Variants in HCRTR2 observed in about 807,000 individuals in gnomAD.
HCRTR2 encodes the protein hypocretin receptor 2, also known as orexin receptor type 2.
A neutral mutation model predicts 49.0 loss-of-function variants in HCRTR2; 22 were observed. The observed-to-expected ratio is 0.45, with a 90% CI of 0.32 to 0.64. The LOEUF is 0.64. Ranked by LOEUF, HCRTR2 falls within the 30% of genes least tolerant of loss-of-function variation. The pLI, the probability that HCRTR2 is intolerant of heterozygous loss-of-function variation, is 0.04. For missense variants in HCRTR2, 491 were observed against 559.4 expected, an observed-to-expected ratio of 0.88 and a Z score of 1.23; for synonymous variants, 236 against 205.3, an observed-to-expected ratio of 1.15 and a Z score of -1.28.
chr6:55,152,872 CTTTT>C lies in HCRTR2; in HGVS notation c.-377-21338_-377-21335del, dbSNP rs541341085. Among the ~76,000 whole-genome samples, 209 of 151,992 alleles carry C rather than the reference CTTTT, an allele frequency of 1.4e-3. 1 individual carries two copies. Among genetic ancestry groups the C allele is most frequent in the African/African-American group, 4.8e-3 (198 of 41,512 alleles). On this transcript the variant is annotated intron_variant, in intron 1 of 7. Transcript: ENST00000615358. ...ACATTACATAGGTTGACTTTTCATT[CTTTT>C]GTTTTCTTTGTTGCACAAAAAACCC...
At chr6:55,230,757 C>T (rs3122166) in intron 1 of HCRTR2, among the ~76,000 whole-genome samples, 22 of 151,864 alleles carry the variant, frequency 1.4e-4, no homozygotes, top group African/African-American at 4.1e-4. Flanking sequence ...ATATGCTGAA[C>T]GAATGAATTA....
chr6:55,170,865 GA>G (rs1251534944), upstream of HCRTR2, among the ~76,000 whole-genome samples: 2 of 151,640 alleles, frequency 1.3e-5, no homozygotes, highest in East Asian at 3.9e-4. Flanking sequence ...AGTTTGCTGA[GA>G]ATCATGGTTT....
At chr6:55,188,991 ATTAT>A (rs1200767793) in intron 1 of HCRTR2, among the ~76,000 whole-genome samples, 5 of 152,226 alleles carry the variant, frequency 3.3e-5, no homozygotes, top group Non-Finnish European at 7.3e-5. Context: ...CACAAAAATA[ATTAT>A]TTATAAACCA....
intron 1 of HCRTR2, among the ~76,000 whole-genome samples, chr6:55,132,899 C>T (rs560253911): frequency 6.6e-6 from 1 of 151,722 alleles, no homozygotes; most frequent in African/African-American, 2.4e-5. Context: ...TACATAGACA[C>T]CAGAGACCCA....
At chr6:55,151,793 TA>T (rs1401872038) in intron 1 of HCRTR2, among the ~76,000 whole-genome samples, 249 of 145,464 alleles carry the variant, frequency 1.7e-3, no homozygotes, top group Middle Eastern at 0.01. Context: ...ATTTATTTCT[TA>T]AAAAAAAAAA....
chr6:55,142,629 G>A (rs1048600303), intron 1 of HCRTR2, among the ~76,000 whole-genome samples: 1 of 151,926 alleles, frequency 6.6e-6, no homozygotes, highest in Non-Finnish European at 1.5e-5. Context: ...GTATATGTAA[G>A]TAGTTAATAG....
At chr6:55,218,089 AAACT>A (rs1359182087) in intron 1 of HCRTR2, among the ~76,000 whole-genome samples, 1 of 152,244 alleles carries the variant, frequency 6.6e-6, no homozygotes, top group Non-Finnish European at 1.5e-5. Flanking sequence ...AACAATAGCC[AAACT>A]GGATTTTATA....
intron 1 of HCRTR2, among the ~76,000 whole-genome samples, chr6:55,192,727 C>T (rs1209063571): frequency 6.6e-6 from 1 of 152,156 alleles, no homozygotes; most frequent in Non-Finnish European, 1.5e-5. Context: ...CAATGGCCTT[C>T]CTCTTTTGCA....
At position 55,206,979 on chromosome 6, in the gene HCRTR2, C is replaced by T. The variant is rs548154900; in HGVS notation, c.223+32169C>T. Among the ~76,000 whole-genome samples the T allele has an allele frequency of 1.7e-4, 26 of 152,098 alleles. 1 individual carries two copies. In the South Asian group the frequency reaches 3.5e-3, roughly 21 times the overall value. ...TATTCCTCTCTTTACAATTAATTAA[C>T]GTAAGACCATTTAAAATATGCCTAA... On this transcript the variant is annotated intron_variant, in intron 1 of 6. Transcript: ENST00000370862.
chr6:55,198,012 C>G (rs1284768315), intron 1 of HCRTR2, among the ~76,000 whole-genome samples: 1 of 152,124 alleles, frequency 6.6e-6, no homozygotes, highest in East Asian at 1.9e-4. Flanking sequence ...ACAAAGGTCC[C>G]TCTAATTCTA....
rs7768232 is a variant in HCRTR2 at position 55,159,099 on chromosome 6, G to A, written c.-377-15112G>A. Reference sequence around the variant, plus strand: ...GGGTGCCCCTCTGGGACAAAGCTTCGAGAGGAAGGAGCAGGCAGCAATCTT... The same window carrying A: ...GGGTGCCCCTCTGGGACAAAGCTTCAAGAGGAAGGAGCAGGCAGCAATCTT... On this transcript the variant is annotated intron_variant, in intron 1 of 7. Transcript: ENST00000615358. Among the ~76,000 whole-genome samples the A allele has an allele frequency of 9.9e-5, 15 of 152,192 alleles. No individual in the cohort carries two copies. The South Asian group carries it at 1.7e-3, about 17-fold the overall frequency.
intron 1 of HCRTR2, among the ~76,000 whole-genome samples, chr6:55,134,911 T>C (rs1310721569): frequency 6.6e-6 from 1 of 152,032 alleles, no homozygotes; most frequent in East Asian, 1.9e-4. Context: ...CTTAGGTTAT[T>C]TCCATACTTT....
At chr6:55,271,710 A>G (rs966594037) in intron 4 of HCRTR2, among the ~76,000 whole-genome samples, 1 of 150,568 alleles carries the variant, frequency 6.6e-6, no homozygotes, top group African/African-American at 2.5e-5. Flanking sequence ...AAGTAGGCAA[A>G]GACTTGAATA....
intron 1 of HCRTR2, among the ~76,000 whole-genome samples, chr6:55,210,325 T>C (rs1483813244): frequency 6.6e-6 from 1 of 152,124 alleles, no homozygotes; most frequent in Non-Finnish European, 1.5e-5. Flanking sequence ...TCTTCCTAGC[T>C]TAGATTGATA....
intron 1 of HCRTR2, among the ~76,000 whole-genome samples, chr6:55,204,544 G>A (rs906036362): frequency 6.6e-6 from 1 of 152,158 alleles, no homozygotes; most frequent in Non-Finnish European, 1.5e-5. Flanking sequence ...ATGTAGGACA[G>A]AGCCTGATAG....
At chr6:55,139,985 T>C (rs1313540403) in intron 1 of HCRTR2, among the ~76,000 whole-genome samples, 2 of 152,100 alleles carry the variant, frequency 1.3e-5, no homozygotes, top group Non-Finnish European at 2.9e-5. Context: ...AATGTCAGAG[T>C]TGTCATTATG....
chr6:55,257,629 A>G (rs1021862803), intron 3 of HCRTR2, among the ~76,000 whole-genome samples: 2 of 151,974 alleles, frequency 1.3e-5, no homozygotes, highest in Admixed American at 1.3e-4. Flanking sequence ...AAATAGACGT[A>G]TGATTTTTAA....
intron 1 of HCRTR2, among the ~76,000 whole-genome samples, chr6:55,237,101 T>A (rs1412921911): frequency 6.6e-6 from 1 of 152,136 alleles, no homozygotes; most frequent in African/African-American, 2.4e-5. Flanking sequence ...CTCTTTGTTG[T>A]GTTTCCAGTT....
chr6:55,241,136 C>T (rs540181677), intron 1 of HCRTR2, among the ~76,000 whole-genome samples: 1 of 123,778 alleles, frequency 8.1e-6, no homozygotes, highest in African/African-American at 3.0e-5. Flanking sequence ...CCCCACCCCA[C>T]AACAGTCCCC....
Sources: allele counts gnomAD v4.1 joint callset (sites outside exome capture counted in the v4.1 genomes callset), GRCh38; gene constraint gnomAD v4.1.1; transcripts MANE v1.5; gene names NCBI Gene and HGNC (gene_info 2026-07-23, HGNC 2026-07-21).